The following SORT1 variants were observed in gnomAD, a reference collection of about 807,000 sequenced individuals.
The protein encoded by SORT1 is sortilin 1, also known as sortilin.
SORT1 carries 39 observed loss-of-function variants against 101.7 expected under a neutral mutation model. The observed-to-expected ratio is 0.38, with a 90% CI of 0.30 to 0.50. The LOEUF is 0.50. Among genes scored for constraint, SORT1 ranks in the 20% least tolerant of loss-of-function variants. SORT1 has a pLI of 0.90. For missense variants in SORT1, 878 were observed against 1,040.4 expected, an observed-to-expected ratio of 0.84 and a Z score of 2.15; for synonymous variants, 396 against 393.7, an observed-to-expected ratio of 1.01 and a Z score of -0.07.
At chr1:109,319,705 G>A (rs1570887426) in intron 15 of SORT1, among the ~76,000 whole-genome samples, 1 of 151,680 alleles carries the variant, frequency 6.6e-6, no homozygotes, top group Non-Finnish European at 1.5e-5. Context: ...GTCTTTACTA[G>A]AAATACAAAA....
intron 1 of SORT1, chr1:109,392,566 A>C: frequency 1.0e-6 from 1 of 977,638 alleles, no homozygotes; most frequent in South Asian, 4.7e-5. Flanking sequence ...ACAGAGCCAA[A>C]CATTTGAGTC....
At chr1:109,331,531 A>T (rs1176197103) in intron 11 of SORT1, among the ~76,000 whole-genome samples, 6 of 152,224 alleles carry the variant, frequency 3.9e-5, no homozygotes, top group Admixed American at 3.3e-4. Flanking sequence ...ATATACCTCA[A>T]CATAATAAAG....
chr1:109,367,764 G>C (rs1482582048), intron 2 of SORT1, among the ~76,000 whole-genome samples: 2 of 152,176 alleles, frequency 1.3e-5, no homozygotes, highest in Non-Finnish European at 2.9e-5. Flanking sequence ...CCAAATTATT[G>C]TAAGATACTC....
intron 4 of SORT1, 45 bp from the exon 5 acceptor site, chr1:109,354,576 ATGCAAGCACAG>A (rs1650183725): frequency 6.9e-7 from 1 of 1,449,456 alleles, no homozygotes; most frequent in Non-Finnish European, 9.5e-7. Flanking sequence ...GATACTATCT[ATGCAAGCACAG>A]GAGTTCTTAC....
At chr1:109,321,960 C>A (rs1484335375) in intron 15 of SORT1, among the ~76,000 whole-genome samples, 13 of 152,170 alleles carry the variant, frequency 8.5e-5, no homozygotes, top group Non-Finnish European at 1.8e-4. Context: ...GCCTCTAAAC[C>A]TTGATGGGAC....
At position 109,311,330 on chromosome 1, in the gene SORT1, C is replaced by G. The variant is rs1469041156; in HGVS notation, c.*2713G>C. ...CTGCTACATCAAGCCTGGGAGTTTA[C>G]ACAATGATACACTATGTTTTACCTT... is the stretch of plus-strand genomic sequence containing the variant. On this transcript the variant is annotated 3_prime_UTR_variant, in exon 20 of 20. Transcript: ENST00000256637. 1 of 152,244 alleles carries G rather than the reference C, an allele frequency of 6.6e-6. No homozygotes were observed. Among genetic ancestry groups the G allele is most frequent in the Non-Finnish European group, 1.5e-5 (1 of 68,036 alleles). The allele number at this position is 152,244 out of a possible 1,614,324, so 9.4% of individuals were successfully genotyped here.
At chr1:109,378,964 G>T (rs2101643115) in intron 1 of SORT1, among the ~76,000 whole-genome samples, 1 of 150,956 alleles carries the variant, frequency 6.6e-6, no homozygotes, top group Non-Finnish European at 1.5e-5. Flanking sequence ...CCAATATGGT[G>T]AAACTCCGTC....
chr1:109,392,718 T>C, intron 1 of SORT1: 1 of 984,554 alleles, frequency 1.0e-6, no homozygotes, highest in South Asian at 4.7e-5. Context: ...TCAAATCTGC[T>C]GATACTTCTT....
At chr1:109,369,102 C>T (rs1484093422) in intron 2 of SORT1, among the ~76,000 whole-genome samples, 1 of 152,190 alleles carries the variant, frequency 6.6e-6, no homozygotes, top group Non-Finnish European at 1.5e-5. Flanking sequence ...GCGTGGATCA[C>T]CTGAGGTCAG....
At chr1:109,394,082 A>AT (rs774985696) in intron 1 of SORT1, among the ~76,000 whole-genome samples, 2 of 152,204 alleles carry the variant, frequency 1.3e-5, no homozygotes, top group Non-Finnish European at 2.9e-5. Context: ...AGGCAGTGCT[A>AT]TACCACCTTA....
intron 1 of SORT1, among the ~76,000 whole-genome samples, chr1:109,384,803 G>T (rs1652472291): frequency 1.3e-5 from 2 of 152,162 alleles, no homozygotes; most frequent in African/African-American, 4.8e-5. Flanking sequence ...ACCAGGCCAG[G>T]CATGGTAGCT....
chr1:109,371,391 C>G (rs1219391543), intron 1 of SORT1, among the ~76,000 whole-genome samples: 1 of 152,180 alleles, frequency 6.6e-6, no homozygotes, highest in Non-Finnish European at 1.5e-5. Flanking sequence ...ACAGGAACAT[C>G]CAGAGCTACC....
At chr1:109,394,146 T>C (rs1653061490) in intron 1 of SORT1, among the ~76,000 whole-genome samples, 1 of 152,122 alleles carries the variant, frequency 6.6e-6, no homozygotes, top group Non-Finnish European at 1.5e-5. Flanking sequence ...TTTTGGAAAG[T>C]TATAACTATT....
intron 15 of SORT1, among the ~76,000 whole-genome samples, chr1:109,321,800 T>C (rs1404608781): frequency 6.6e-6 from 1 of 152,234 alleles, no homozygotes; most frequent in East Asian, 1.9e-4. Flanking sequence ...TCATCTGTGA[T>C]GTGAAGCAGT....
chr1:109,370,247 T>C (rs1651403511), intron 1 of SORT1, among the ~76,000 whole-genome samples: 2 of 152,186 alleles, frequency 1.3e-5, no homozygotes, highest in African/African-American at 4.8e-5. Flanking sequence ...AATATAGTTA[T>C]AATAATCATT....
Position 109,311,902 on chromosome 1 carries a change from G to A in SORT1, c.*2141C>T, listed in dbSNP as rs1023680865. ...CCAGCACTGCTTATCACACACACGG[G>A]GACCCTGAACAACTGACTCCATCCC... On this transcript the variant is annotated 3_prime_UTR_variant, in exon 20 of 20. Coordinates refer to ENST00000256637, the MANE Select transcript of SORT1 (RefSeq NM_002959.7). 2 of 152,574 alleles carry A rather than the reference G, an allele frequency of 1.3e-5. No individual in the cohort carries two copies. The highest frequency in any genetic ancestry group is 4.8e-5 in the African/African-American group (2 of 41,422). The allele number at this position is 152,574 out of a possible 1,614,324, so 9.5% of individuals were successfully genotyped here.
chr1:109,325,089 C>T lies in SORT1; in HGVS notation c.1644G>A (p.Lys548=). The change falls in exon 14 of 20, where the codon AAG becomes AAA. Residue 548 remains lysine (K), a splice_region_variant and synonymous_variant. Coordinates refer to ENST00000256637, the MANE Select transcript of SORT1 (RefSeq NM_002959.7). ...AGCATTGACCTTCGTCTGTGGAGAA[C>T]CTGAAACCACAATTACAGAAAGATC... The part of the protein sequence containing the change: ...EHSSRPINVI[K]FSTDEGQCWQ... 6.3e-7 allele frequency: 1 copy of T among 1,599,168 alleles called. No individual in the cohort carries two copies. Among genetic ancestry groups the T allele is most frequent in the Non-Finnish European group, 8.6e-7 (1 of 1,169,022 alleles).
intron 1 of SORT1, among the ~76,000 whole-genome samples, chr1:109,383,746 C>T (rs991294249): frequency 3.9e-5 from 6 of 152,190 alleles, no homozygotes; most frequent in African/African-American, 1.4e-4. Context: ...CTGCTAGAAT[C>T]ATAAAACATG....
In SORT1 at chr1:109,327,538, G is replaced by C. The variant is rs1241337529; in HGVS notation, c.1435C>G (p.Leu479Val). 21 of 1,612,190 alleles carry C rather than the reference G, an allele frequency of 1.3e-5. No homozygotes were observed. The highest frequency in any genetic ancestry group is 1.8e-5 in the Non-Finnish European group (21 of 1,179,374). ...ATGCCTACGGCATTCGGCTCTGAGAGTGGGGCCATTGGAACATTCAGTTTC... is the reference window on the plus strand; with the variant it reads ...ATGCCTACGGCATTCGGCTCTGAGACTGGGGCCATTGGAACATTCAGTTTC... ...SQKLNVPMAPLSEPNAVGIVI... is the reference protein window; with the variant it reads ...SQKLNVPMAPVSEPNAVGIVI... Residue 479 changes from leucine to valine, a missense_variant, in exon 12 of 20, where the codon CTC (leucine) becomes GTC (valine). Transcript: ENST00000256637.
Sources: gnomAD v4.1 joint callset for allele counts (sites outside exome capture counted in the v4.1 genomes callset) on GRCh38, gnomAD v4.1.1 for gene constraint, MANE v1.5 for transcripts, NCBI Gene and HGNC (gene_info 2026-07-23, HGNC 2026-07-21) for gene names.